UNC13C: variants seen among roughly 807,000 people sequenced by gnomAD.
UNC13C encodes unc-13 homolog C.
In UNC13C, 174 loss-of-function variants were observed where a neutral mutation model predicts 245.4. That is an observed-to-expected ratio of 0.71 (90% CI 0.63 to 0.80). The LOEUF is 0.80. Among genes scored for constraint, UNC13C ranks in the 30% least tolerant of loss-of-function variants. The pLI, the probability that UNC13C is intolerant of heterozygous loss-of-function variation, is 0.00. For synonymous variants in UNC13C, 992 were observed against 895.1 expected (o/e 1.11, Z -1.93); for missense variants, 2,829 against 2,602.9 (o/e 1.09, Z -1.89).
chr15:53,931,597 G>A, the UNC13C span, among the ~76,000 whole-genome samples: 1 of 151,984 alleles, frequency 6.6e-6, no homozygotes, highest in African/African-American at 2.4e-5. Context: ...GTGATGCAGG[G>A]TAAGGGCTGA....
chr15:53,890,878 A>G, the UNC13C span, among the ~76,000 whole-genome samples: 1 of 151,376 alleles, frequency 6.6e-6, no homozygotes, highest in African/African-American at 2.4e-5. Flanking sequence ...TTCTGCTCTG[A>G]TCTTAGTTAT....
intron 19 of UNC13C, among the ~76,000 whole-genome samples, chr15:54,466,404 A>G (rs1261473131): frequency 3.9e-5 from 6 of 152,144 alleles, no homozygotes; most frequent in Non-Finnish European, 7.4e-5. Context: ...ATCATTTCAC[A>G]TAGTATGCAT....
the UNC13C span, among the ~76,000 whole-genome samples, chr15:53,926,411 G>A: frequency 6.6e-6 from 1 of 152,096 alleles, no homozygotes; most frequent in Non-Finnish European, 1.5e-5. Context: ...GATCAAAAAA[G>A]GGATATCATA....
At chr15:53,844,980 C>T in the UNC13C span, among the ~76,000 whole-genome samples, 2 of 152,168 alleles carry the variant, frequency 1.3e-5, no homozygotes, top group East Asian at 1.9e-4. Flanking sequence ...TGAGCCTGAA[C>T]GTATGAGCTA....
chr15:54,601,624 CAG>C (rs1466037741), intron 30 of UNC13C, among the ~76,000 whole-genome samples: 8 of 152,276 alleles, frequency 5.3e-5, no homozygotes, highest in African/African-American at 1.7e-4. Context: ...CTGATGATCA[CAG>C]AGAGTACAAG....
intron 4 of UNC13C, among the ~76,000 whole-genome samples, chr15:54,166,486 C>G (rs1001506250): frequency 6.6e-6 from 1 of 151,764 alleles, no homozygotes; most frequent in African/African-American, 2.4e-5. Flanking sequence ...AATTTTCAGT[C>G]CAATTTTACA....
chr15:53,961,483 A>G, the UNC13C span, among the ~76,000 whole-genome samples: 1 of 152,186 alleles, frequency 6.6e-6, no homozygotes, highest in Non-Finnish European at 1.5e-5. Context: ...GGGGCCTTGG[A>G]TGCATGGTGC....
chr15:54,192,337 T>G (rs1322052080), intron 4 of UNC13C, among the ~76,000 whole-genome samples: 1 of 152,150 alleles, frequency 6.6e-6, no homozygotes, highest in Admixed American at 6.6e-5. Context: ...GTTCTGTCAT[T>G]TTTTTAAAGG....
At chr15:53,994,118 C>A (rs1052336956) in intron 1 of UNC13C, among the ~76,000 whole-genome samples, 25 of 151,752 alleles carry the variant, frequency 1.6e-4, no homozygotes, top group Non-Finnish European at 1.0e-4. Flanking sequence ...ATTCTCAGAG[C>A]TTGCTGATAC....
intron 19 of UNC13C, among the ~76,000 whole-genome samples, chr15:54,454,917 CGT>C (rs760806160): frequency 0.44 from 67,192 of 151,534 alleles, 15,281 homozygotes; most frequent in East Asian, 0.71. Flanking sequence ...GCACCCATCA[CGT>C]CAGTAGTATA....
the UNC13C span, among the ~76,000 whole-genome samples, chr15:53,905,457 T>A: frequency 6.9e-6 from 1 of 144,192 alleles, no homozygotes; most frequent in Admixed American, 7.0e-5. Context: ...GGTCTAAAAA[T>A]AAAGAAAATC....
chr15:54,007,979 GTACTT>G (rs1333647231), intron 1 of UNC13C, among the ~76,000 whole-genome samples: 1 of 152,110 alleles, frequency 6.6e-6, no homozygotes, highest in African/African-American at 2.4e-5. Flanking sequence ...TGGGTATTTA[GTACTT>G]TACTGCCTTT....
chr15:54,334,236 T>C (rs1596239231), intron 16 of UNC13C, among the ~76,000 whole-genome samples: 3 of 152,174 alleles, frequency 2.0e-5, no homozygotes, highest in Non-Finnish European at 4.4e-5. Flanking sequence ...AGTAGCTGAC[T>C]CTTTTAAGTT....
At chr15:54,117,954 T>C (rs1206200309) in intron 2 of UNC13C, among the ~76,000 whole-genome samples, 4 of 152,192 alleles carry the variant, frequency 2.6e-5, no homozygotes, top group Non-Finnish European at 5.9e-5. Context: ...ATGTGTTGGC[T>C]GTAAATGTGC....
At chr15:54,555,957 C>T (rs943876847) in intron 29 of UNC13C, among the ~76,000 whole-genome samples, 20 of 152,030 alleles carry the variant, frequency 1.3e-4, no homozygotes, top group Admixed American at 2.0e-4. Context: ...CCTCCCTTCT[C>T]GCTTAGTAAG....
At chr15:54,494,525 T>C in intron 19 of UNC13C, 83 bp from the exon 20 acceptor site, 1 of 1,282,650 alleles carries the variant, frequency 7.8e-7, no homozygotes, top group Non-Finnish European at 1.0e-6. Flanking sequence ...CTTTTAGAAA[T>C]TCTATTAATA....
At chr15:54,271,362 T>C (rs2036683729) in intron 10 of UNC13C, among the ~76,000 whole-genome samples, 1 of 152,240 alleles carries the variant, frequency 6.6e-6, no homozygotes, top group African/African-American at 2.4e-5. Flanking sequence ...AATTGTATAG[T>C]TGATCATTTC....
intron 2 of UNC13C, among the ~76,000 whole-genome samples, chr15:54,019,726 G>T (rs1027914766): frequency 7.9e-5 from 12 of 152,134 alleles, no homozygotes; most frequent in African/African-American, 2.9e-4. Flanking sequence ...AGAATATGTT[G>T]ACTTCCAAGT....
chr15:53,935,257 C>T, the UNC13C span, among the ~76,000 whole-genome samples: 5 of 152,120 alleles, frequency 3.3e-5, no homozygotes, highest in African/African-American at 1.2e-4. Flanking sequence ...CACCCACCCA[C>T]AGTAAGAAAC....
Sources: allele counts gnomAD v4.1 joint callset (sites outside exome capture counted in the v4.1 genomes callset), GRCh38; gene constraint gnomAD v4.1.1; transcripts MANE v1.5; gene names NCBI Gene and HGNC (gene_info 2026-07-23, HGNC 2026-07-21).